CSRNP3: variants seen among roughly 807,000 people sequenced by gnomAD.
CSRNP3 encodes the protein cysteine and serine rich nuclear protein 3, also known as cysteine/serine-rich nuclear protein 3.
CSRNP3 carries 12 observed loss-of-function variants against 48.0 expected under a neutral mutation model. That is an observed-to-expected ratio of 0.25 (90% CI 0.16 to 0.41). The LOEUF is 0.41. Among genes scored for constraint, CSRNP3 ranks in the 10% least tolerant of loss-of-function variants. The probability of loss-of-function intolerance (pLI) is 1.00; values close to 1 mark genes in which losing one functional copy is unlikely to be tolerated. For missense variants in CSRNP3, 580 were observed against 724.4 expected, an observed-to-expected ratio of 0.80 and a Z score of 2.29; for synonymous variants, 263 against 269.7, an observed-to-expected ratio of 0.98 and a Z score of 0.24.
intron 5 of CSRNP3, among the ~76,000 whole-genome samples, chr2:165,675,032 A>G (rs960631487): frequency 2.0e-5 from 3 of 152,084 alleles, no homozygotes; most frequent in Non-Finnish European, 4.4e-5. Context: ...TATTTAGTAT[A>G]TACACTTGCT....
chr2:165,538,475 T>C (rs1251796571), intron 3 of CSRNP3, among the ~76,000 whole-genome samples: 1 of 151,906 alleles, frequency 6.6e-6, no homozygotes, highest in Non-Finnish European at 1.5e-5. Context: ...GCGTATTCTA[T>C]CCCATTTACC....
At chr2:165,486,252 T>G (rs12151825) in intron 1 of CSRNP3, among the ~76,000 whole-genome samples, 4 of 152,172 alleles carry the variant, frequency 2.6e-5, no homozygotes, top group African/African-American at 9.6e-5. Context: ...TAAAAAACGG[T>G]GCACCACGAG....
intron 1 of CSRNP3, among the ~76,000 whole-genome samples, chr2:165,483,138 C>G (rs1168111012): frequency 6.6e-6 from 1 of 151,362 alleles, no homozygotes; most frequent in East Asian, 1.9e-4. Flanking sequence ...TTCAGTATAC[C>G]TAGGCTCTGG....
chr2:165,547,692 G>A (rs961867934), intron 3 of CSRNP3, among the ~76,000 whole-genome samples: 23 of 151,976 alleles, frequency 1.5e-4, no homozygotes, highest in African/African-American at 5.3e-4. Flanking sequence ...AAGGAAATAA[G>A]AGTATATTTG....
At position 165,604,615 on chromosome 2, in the gene CSRNP3, T is replaced by C. The variant is rs554867148; in HGVS notation, c.148+9402T>C. Reference sequence around the variant, plus strand: ...TAATTATGCATTCTTAACATGTACCTTTCTGGTTTCATTTGCTTATATATA... The same window carrying C: ...TAATTATGCATTCTTAACATGTACCCTTCTGGTTTCATTTGCTTATATATA... On this transcript the variant is annotated intron_variant, in intron 4 of 6. Transcript: ENST00000651982. 2.6e-5 allele frequency among the ~76,000 whole-genome samples: 4 copies of C among 152,362 alleles called. No individual in the cohort carries two copies. The East Asian group carries it at 7.7e-4, about 29-fold the overall frequency.
chr2:165,578,683 AT>A (rs1358545028), intron 3 of CSRNP3, among the ~76,000 whole-genome samples: 1 of 152,130 alleles, frequency 6.6e-6, no homozygotes, highest in Non-Finnish European at 1.5e-5. Context: ...ATAAAACCTT[AT>A]AAATTTAGGT....
chr2:165,574,219 C>G (rs1057247919), intron 3 of CSRNP3: 3 of 598,668 alleles, frequency 5.0e-6, no homozygotes, highest in African/African-American at 3.8e-5. Flanking sequence ...GCAAATGAGA[C>G]CAGCTCGGAG....
At chr2:165,618,600 A>G (rs1370661548) in intron 4 of CSRNP3, among the ~76,000 whole-genome samples, 1 of 152,248 alleles carries the variant, frequency 6.6e-6, no homozygotes, top group Admixed American at 6.5e-5. Flanking sequence ...ACATTTACAC[A>G]TATTACACAA....
At chr2:165,505,142 T>TGA (rs760051646) in intron 2 of CSRNP3, among the ~76,000 whole-genome samples, 2 of 152,120 alleles carry the variant, frequency 1.3e-5, no homozygotes, top group Non-Finnish European at 2.9e-5. Flanking sequence ...ACAAAATGTT[T>TGA]CTTGACAAGT....
intron 3 of CSRNP3, among the ~76,000 whole-genome samples, chr2:165,560,775 C>A (rs72877756): frequency 2.5e-4 from 38 of 152,254 alleles, no homozygotes; most frequent in Middle Eastern, 3.4e-3. Flanking sequence ...GTTAACTGCT[C>A]GATCAGATGT....
chr2:165,666,934 A>T (rs111067449), intron 5 of CSRNP3, among the ~76,000 whole-genome samples: 16 of 37,030 alleles, frequency 4.3e-4, no homozygotes, highest in Non-Finnish European at 7.6e-4. Context: ...GAAAGAGAGA[A>T]GAAGAAAGAA....
chr2:165,568,645 T>C lies in CSRNP3; in HGVS notation c.-23-26398T>C, dbSNP rs149713282. 2.9e-3 allele frequency among the ~76,000 whole-genome samples: 444 copies of C among 152,222 alleles called. 2 individuals carry two copies. The highest frequency in any genetic ancestry group is 0.01 in the Middle Eastern group (3 of 294). The stretch of plus-strand genomic sequence containing the variant: ...GGTTTATTAGGACCTAGACTTGGAC[T>C]TTCCAGAGCATCACTGCTGCAGCCT... On this transcript the variant is annotated intron_variant, in intron 3 of 6. Transcript: ENST00000651982.
chr2:165,678,779 A>C lies in CSRNP3; in HGVS notation c.784A>C (p.Ile262Leu). 1 of 1,614,078 alleles carries C rather than the reference A, an allele frequency of 6.2e-7. No individual in the cohort carries two copies. Among genetic ancestry groups the C allele is most frequent in the Non-Finnish European group, 8.5e-7 (1 of 1,179,998 alleles). Reference sequence around the variant, plus strand: ...AGCAGGTAGAATTGAATTTAATCCTATCCGTGTTCGGACTCACTTTTTGCA... The same window carrying C: ...AGCAGGTAGAATTGAATTTAATCCTCTCCGTGTTCGGACTCACTTTTTGCA... Reference protein sequence around the residue: ...NTAGRIEFNPIRVRTHFLHTI... With the variant: ...NTAGRIEFNPLRVRTHFLHTI... The change falls in exon 7 of 7, where the codon ATC (isoleucine) becomes CTC (leucine). Residue 262 changes from isoleucine (I) to leucine (L), a missense_variant. By Grantham distance (5) the Ile-to-Leu change is conservative. Around this residue, in one of 4 missense-constraint regions of CSRNP3, gnomAD observed 66 missense variants for 137.6 expected, o/e 0.48. Transcript: ENST00000651982.
intron 5 of CSRNP3, among the ~76,000 whole-genome samples, chr2:165,665,775 A>G (rs867411411): frequency 1.4e-3 from 189 of 131,290 alleles, no homozygotes; most frequent in African/African-American, 5.8e-3. Flanking sequence ...AAAAGAAAGA[A>G]AGAGAGAGAG....
chr2:165,585,747 C>T (rs140081894), intron 3 of CSRNP3, among the ~76,000 whole-genome samples: 4 of 152,306 alleles, frequency 2.6e-5, no homozygotes, highest in African/African-American at 7.2e-5. Context: ...CCTTGTAATG[C>T]AAGTTGTTTA....
At chr2:165,658,073 T>C in intron 5 of CSRNP3, 53 bp downstream of exon 5, 1 of 1,567,464 alleles carries the variant, frequency 6.4e-7, no homozygotes, top group Non-Finnish European at 8.7e-7. Flanking sequence ...AGCAATTTGA[T>C]TGAGTTAACC....
intron 3 of CSRNP3, among the ~76,000 whole-genome samples, chr2:165,571,801 CCTT>C (rs772069259): frequency 5.3e-5 from 8 of 151,974 alleles, no homozygotes; most frequent in African/African-American, 1.4e-4. Flanking sequence ...AAAAGATTCA[CCTT>C]CTCATCTACT....
rs113114892 is a variant in CSRNP3 at position 165,520,783 on chromosome 2, T to A, written c.-24+2822T>A. Among the ~76,000 whole-genome samples the A allele has an allele frequency of 1.7e-4, 5 of 29,730 alleles. 1 individual carries two copies. The highest frequency in any genetic ancestry group is 2.6e-4 in the Non-Finnish European group (5 of 19,150). 19.5% of individuals were successfully genotyped at this position (29,730 alleles called of 152,430 possible). Reference sequence around the variant, plus strand: ...TATAGAAATATATTATATATATATATTATATATATATATATATATATATAT... The same window carrying A: ...TATAGAAATATATTATATATATATAATATATATATATATATATATATATAT... On this transcript the variant is annotated intron_variant, in intron 3 of 6. Transcript: ENST00000651982.
intron 3 of CSRNP3, among the ~76,000 whole-genome samples, chr2:165,575,173 G>A (rs984975780): frequency 2.0e-5 from 3 of 152,086 alleles, no homozygotes; most frequent in Non-Finnish European, 2.9e-5. Flanking sequence ...TTCCATGCAC[G>A]AAATATCACA....
Sources: allele counts gnomAD v4.1 joint callset (sites outside exome capture counted in the v4.1 genomes callset), GRCh38; gene constraint gnomAD v4.1.1; regional missense constraint gnomAD v4.1.1; transcripts MANE v1.5; gene names NCBI Gene and HGNC (gene_info 2026-07-23, HGNC 2026-07-21).